NUDT12: variants seen among roughly 807,000 people sequenced by gnomAD.
NUDT12 encodes the protein NAD-capped RNA hydrolase NUDT12.
In NUDT12, 42 loss-of-function variants were observed where a neutral mutation model predicts 45.7. That is an observed-to-expected ratio of 0.92 (90% CI 0.72 to 1.19). The LOEUF (loss-of-function observed/expected upper bound fraction) is 1.19, where lower values mean the gene tolerates loss of function less well. NUDT12 is among the 50% of genes most tolerant of loss of function. NUDT12 has a pLI of 0.00. For synonymous variants in NUDT12, 206 were observed against 179.7 expected, an observed-to-expected ratio of 1.15 and a Z score of -1.17; for missense variants, 590 against 533.1, an observed-to-expected ratio of 1.11 and a Z score of -1.05.
intron 1 of NUDT12, among the ~76,000 whole-genome samples, 158 bp from the exon 2 acceptor site, chr5:103,560,412 T>A (rs546413012): frequency 2.0e-5 from 3 of 152,156 alleles, no homozygotes; most frequent in Non-Finnish European, 4.4e-5. Context: ...AATTTCAAAA[T>A]GTTATCAGTT....
chr5:103,559,483 A>C lies in NUDT12; in HGVS notation c.207-15T>G. On this transcript the variant is annotated splice_polypyrimidine_tract_variant and intron_variant, in intron 2 of 6. Transcript: ENST00000230792. ...ATCTGTCACACCTATAGATGGAAGA[A>C]AAAATTGGGGAGAAAAAGTAAAATA... 1 of 1,353,926 alleles carries C rather than the reference A, an allele frequency of 7.4e-7. No individual in the cohort carries two copies. 83.9% of individuals were successfully genotyped at this position (1,353,926 alleles called of 1,614,324 possible). A position where few individuals can be genotyped will look rare whatever the true frequency, so the allele number is the denominator to read the frequency against.
chr5:103,561,027 C>T (rs1236086720), intron 1 of NUDT12, among the ~76,000 whole-genome samples: 1 of 150,276 alleles, frequency 6.7e-6, no homozygotes, highest in East Asian at 1.9e-4. Flanking sequence ...TCATGGACTG[C>T]AGATGATAGA....
intron 3 of NUDT12, among the ~76,000 whole-genome samples, chr5:103,556,523 T>C (rs4703253): frequency 0.64 from 96,655 of 151,762 alleles, 31,242 homozygotes; most frequent in Middle Eastern, 0.77. Context: ...TAGGAAACTG[T>C]AGGAGGCTAT....
In NUDT12 at chr5:103,550,293, T is replaced by TG. The variant is rs1748611612; in HGVS notation, c.*567_*568insC. 1 of 152,274 alleles carries TG rather than the reference T, an allele frequency of 6.6e-6. No homozygotes were observed. The highest frequency in any genetic ancestry group is 1.5e-5 in the Non-Finnish European group (1 of 68,170). 9.4% of individuals were successfully genotyped at this position (152,274 alleles called of 1,614,324 possible). On this transcript the variant is annotated 3_prime_UTR_variant, in exon 7 of 7. Transcript: ENST00000230792. ...GGTCAAATTAGACGAGTGGCGACAC[T>TG]ATAACACCTCCACTGCTAGAACAAT... is the stretch of plus-strand genomic sequence containing the variant.
intron 5 of NUDT12, among the ~76,000 whole-genome samples, chr5:103,554,186 G>A (rs1179050056): frequency 2.0e-5 from 3 of 151,988 alleles, no homozygotes; most frequent in African/African-American, 7.2e-5. Flanking sequence ...TGTGCTACAG[G>A]CATGTGCTAT....
intron 5 of NUDT12, chr5:103,554,457 T>TA (rs1451304263): frequency 5.6e-6 from 1 of 177,612 alleles, no homozygotes; most frequent in African/African-American, 2.4e-5. Context: ...CAGAAGGAAA[T>TA]GAGGTGGAAC....
At position 103,552,222 on chromosome 5, in the gene NUDT12, C is replaced by A. The variant is rs373810152; in HGVS notation, c.1273G>T (p.Glu425Ter). 1.2e-6 allele frequency: 2 copies of A among 1,611,974 alleles called. No individual in the cohort carries two copies. Among genetic ancestry groups the A allele is most frequent in the Non-Finnish European group, 1.7e-6 (2 of 1,178,210 alleles). The change falls in exon 6 of 7, where the codon GAA becomes TAA. Residue 425 changes from glutamate (E) to a stop codon, truncating the protein, a stop_gained. Transcript: ENST00000230792. LOFTEE classifies it high-confidence loss of function. ...GAAATTAAATTGAACTTTACCTGTT[C>A]TCTAGTGAACCAGCGGGCATCCTCT... ...EIEDARWFTREQVLDVLTKGK... is the reference protein window; with the variant it reads ...EIEDARWFTR
chr5:103,557,429 C>T (rs142016238), intron 3 of NUDT12, among the ~76,000 whole-genome samples: 2,915 of 151,488 alleles, frequency 0.019, 181 homozygotes, highest in Admixed American at 0.12. Context: ...ACCTCTATCA[C>T]CTAAGGGAAG....
rs766349771 is a variant in NUDT12, at chr5:103,559,380, C to T, written c.295G>A (p.Ala99Thr). Residue 99 changes from alanine to threonine, a missense_variant, in exon 3 of 7, where the codon GCT becomes ACT. Ala to Thr is a moderately conservative substitution (Grantham distance 58). Coordinates refer to ENST00000230792, the MANE Select transcript of NUDT12 (RefSeq NM_031438.4). ...WGYKHIANLLATAKGGKKPWF... is the reference protein window; with the variant it reads ...WGYKHIANLLTTAKGGKKPWF... ...GGCTTCTTCCCACCTTTAGCAGTAG[C>T]TAGTAAATTAGCTATATGCTTATAA... 2.5e-6 allele frequency: 4 copies of T among 1,612,970 alleles called. No individual in the cohort carries two copies. Among genetic ancestry groups the T allele is most frequent in the Admixed American group, 3.3e-5 (2 of 59,852 alleles).
intron 5 of NUDT12, among the ~76,000 whole-genome samples, chr5:103,553,932 C>T (rs1223561158): frequency 6.6e-6 from 1 of 151,896 alleles, no homozygotes; most frequent in Non-Finnish European, 1.5e-5. Flanking sequence ...AGTGCCCCTA[C>T]CTGCAAAATC....
rs1357636558 is a variant in NUDT12 at position 103,555,933 on chromosome 5, A to G, written c.962T>C (p.Val321Ala). The G allele has an allele frequency of 1.3e-6, 2 of 1,560,852 alleles. No individual in the cohort carries two copies. The highest frequency in any genetic ancestry group is 8.7e-7 in the Non-Finnish European group (1 of 1,154,462). The change falls in exon 4 of 7, where the codon GTT becomes GCT. Residue 321 changes from valine to alanine, a missense_variant and splice_region_variant. Coordinates refer to ENST00000230792, the MANE Select transcript of NUDT12 (RefSeq NM_031438.4). ...GAGATATAAAATAAAGGGCTTACCAACTCTTGGGTATGAGGTATTATGGAC... is the reference window on the plus strand; with the variant it reads ...GAGATATAAAATAAAGGGCTTACCAGCTCTTGGGTATGAGGTATTATGGAC... ...NGVHNTSYPR[V>A]DPVVIMQVIH...
Position 103,556,118 on chromosome 5 carries a change from A to C in NUDT12, c.797-20T>G, listed in dbSNP as rs752132920. 4.1e-5 allele frequency: 63 copies of C among 1,523,116 alleles called. No homozygotes were observed. The highest frequency in any genetic ancestry group is 5.4e-5 in the Non-Finnish European group (61 of 1,139,906). The allele number at this position is 1,523,116 out of a possible 1,614,324, so 94.4% of individuals were successfully genotyped here. A position where few individuals can be genotyped will look rare whatever the true frequency, so the allele number is the denominator to read the frequency against. Reference sequence around the variant, plus strand: ...CAACCCCTTCAAAAAAAAGAAAAGCACAAAAATTTTAATTCTGTAAGAAAT... The same window carrying C: ...CAACCCCTTCAAAAAAAAGAAAAGCCCAAAAATTTTAATTCTGTAAGAAAT... On this transcript the variant is annotated intron_variant, in intron 3 of 6. Transcript: ENST00000230792.
At chr5:103,554,921 T>C (rs568021878) in intron 4 of NUDT12, 68 bp from the exon 5 acceptor site, 70 of 601,888 alleles carry the variant, frequency 1.2e-4, no homozygotes, top group Non-Finnish European at 2.0e-4. Flanking sequence ...GTACAAACAC[T>C]GTCTGATAGG....
Position 103,554,808 on chromosome 5 carries a change from C to CAT in NUDT12, c.1008_1009dup (p.Cys337TyrfsTer4). 1 of 1,563,952 alleles carries CAT rather than the reference C, an allele frequency of 6.4e-7. No individual in the cohort carries two copies. The highest frequency in any genetic ancestry group is 8.7e-7 in the Non-Finnish European group (1 of 1,150,554). On this transcript the variant is annotated frameshift_variant, in exon 5 of 7. Transcript: ENST00000230792. LOFTEE classifies it high-confidence loss of function. ...AAATCTTTTCTGCCTGCCTAAAAGG[C>CAT]ATTTGGTCCCATCTGGATGAATAAC...
intron 3 of NUDT12, among the ~76,000 whole-genome samples, chr5:103,558,131 A>T (rs968375795): frequency 6.6e-6 from 1 of 151,952 alleles, no homozygotes; most frequent in African/African-American, 2.4e-5. Context: ...AATAGCAAAG[A>T]CCAGTGATTT....
chr5:103,554,184 A>T (rs181328056), intron 5 of NUDT12, among the ~76,000 whole-genome samples: 71 of 152,212 alleles, frequency 4.7e-4, no homozygotes, highest in African/African-American at 1.6e-3. Flanking sequence ...CATGTGCTAC[A>T]GGCATGTGCT....
chr5:103,558,551 C>T (rs2112454734), intron 3 of NUDT12, among the ~76,000 whole-genome samples: 1 of 152,158 alleles, frequency 6.6e-6, no homozygotes, highest in South Asian at 2.1e-4. Context: ...ATAAAAAGCC[C>T]CATCAACAGA....
chr5:103,552,474 TC>T, intron 5 of NUDT12, 58 bp from the exon 6 acceptor site: 1 of 1,302,950 alleles, frequency 7.7e-7, no homozygotes, highest in Non-Finnish European at 1.1e-6. Flanking sequence ...ACACTTTGTG[TC>T]CTGAATGGTT....
At chr5:103,554,427 G>A (rs897021437) in intron 5 of NUDT12, 3 of 163,882 alleles carry the variant, frequency 1.8e-5, no homozygotes, top group African/African-American at 7.2e-5. Flanking sequence ...TCTTTGAAAA[G>A]GTAACAGTTG....
Sources: allele counts gnomAD v4.1 joint callset (sites outside exome capture counted in the v4.1 genomes callset), GRCh38; gene constraint gnomAD v4.1.1; transcripts MANE v1.5; gene names NCBI Gene and HGNC (gene_info 2026-07-23, HGNC 2026-07-21).